The following KCNH5 variants were observed in gnomAD, a reference collection of about 807,000 sequenced individuals.
The protein encoded by KCNH5 is potassium voltage-gated channel subfamily H member 5.
KCNH5 carries 46 observed loss-of-function variants against 96.1 expected under a neutral mutation model. That is an observed-to-expected ratio of 0.48 (90% CI 0.38 to 0.61). The LOEUF is 0.61. Ranked by LOEUF, KCNH5 falls within the 20% of genes least tolerant of loss-of-function variation. The pLI is 0.00. For synonymous variants in KCNH5, 439 were observed against 449.8 expected, an observed-to-expected ratio of 0.98 and a Z score of 0.30; for missense variants, 907 against 1,225.8, an observed-to-expected ratio of 0.74 and a Z score of 3.88.
chr14:62,829,705 GA>G (rs1419442947), intron 8 of KCNH5, among the ~76,000 whole-genome samples: 1 of 152,142 alleles, frequency 6.6e-6, no homozygotes, highest in African/African-American at 2.4e-5. Flanking sequence ...GTCATGGGGG[GA>G]TCTGCCCTGA....
At chr14:62,822,956 C>T (rs1354364365) in intron 8 of KCNH5, among the ~76,000 whole-genome samples, 1 of 152,106 alleles carries the variant, frequency 6.6e-6, no homozygotes, top group Non-Finnish European at 1.5e-5. Flanking sequence ...TAACAGCATT[C>T]CTTCTGGATA....
In KCNH5 at chr14:62,769,519, T is replaced by C. The variant is rs554721198; in HGVS notation, c.2019+10209A>G. Among the ~76,000 whole-genome samples, 9 of 152,326 alleles carry C rather than the reference T, an allele frequency of 5.9e-5. 1 individual carries two copies. In the South Asian group the frequency reaches 1.9e-3, roughly 32 times the overall value. On this transcript the variant is annotated intron_variant, in intron 10 of 10. Transcript: ENST00000322893. ...ATTCACTCCACAGTGATATCAAAATTGCTGTACTACTCTGAATGCACTAGA... is the reference window on the plus strand; with the variant it reads ...ATTCACTCCACAGTGATATCAAAATCGCTGTACTACTCTGAATGCACTAGA...
chr14:62,768,493 G>A (rs1885913719), intron 10 of KCNH5, among the ~76,000 whole-genome samples: 1 of 152,124 alleles, frequency 6.6e-6, no homozygotes, highest in Non-Finnish European at 1.5e-5. Context: ...GAAACAAACA[G>A]TCTAGCGTCC....
chr14:62,954,699 G>A (rs188978367), intron 6 of KCNH5, among the ~76,000 whole-genome samples: 151 of 152,140 alleles, frequency 9.9e-4, no homozygotes, highest in Middle Eastern at 6.8e-3. Flanking sequence ...TCATGCTGCC[G>A]ATAAAGACAT....
intron 7 of KCNH5, among the ~76,000 whole-genome samples, chr14:62,907,152 A>G (rs1889044892): frequency 1.3e-5 from 2 of 152,064 alleles, no homozygotes; most frequent in African/African-American, 4.8e-5. Flanking sequence ...TGCTGCTCTG[A>G]TTTTTTGTTA....
At chr14:62,895,587 C>T (rs990958644) in intron 7 of KCNH5, among the ~76,000 whole-genome samples, 3 of 152,106 alleles carry the variant, frequency 2.0e-5, no homozygotes, top group Non-Finnish European at 2.9e-5. Context: ...CCCACCTTGG[C>T]TTCCCAATGT....
At chr14:62,966,821 G>T (rs1180093141) in intron 6 of KCNH5, among the ~76,000 whole-genome samples, 1 of 151,964 alleles carries the variant, frequency 6.6e-6, no homozygotes, top group Non-Finnish European at 1.5e-5. Flanking sequence ...ACTTTACCCA[G>T]TTCTAATAAA....
intron 1 of KCNH5, among the ~76,000 whole-genome samples, chr14:63,023,423 T>G (rs1358952533): frequency 1.3e-5 from 2 of 152,186 alleles, no homozygotes; most frequent in African/African-American, 2.4e-5. Context: ...ATTATAAAAT[T>G]TATTAAATAA....
At chr14:62,926,722 T>C (rs999981406) in intron 7 of KCNH5, among the ~76,000 whole-genome samples, 4 of 152,104 alleles carry the variant, frequency 2.6e-5, no homozygotes, top group Admixed American at 6.6e-5. Flanking sequence ...CCAGCTCCAC[T>C]GGATCAGGGC....
intron 8 of KCNH5, among the ~76,000 whole-genome samples, chr14:62,847,392 G>A (rs981541764): frequency 3.3e-5 from 5 of 151,946 alleles, no homozygotes; most frequent in African/African-American, 9.7e-5. Context: ...CCCAGAATTT[G>A]GCAGATGTCT....
intron 9 of KCNH5, among the ~76,000 whole-genome samples, chr14:62,785,947 C>T (rs1352993065): frequency 1.3e-5 from 2 of 152,156 alleles, no homozygotes; most frequent in Non-Finnish European, 2.9e-5. Context: ...AATCCCAGCA[C>T]TTTGAGAGGC....
Position 62,707,625 on chromosome 14 carries a change from G to T in KCNH5, c.2850C>A (p.Ala950=). 1 of 1,571,716 alleles carries T rather than the reference G, an allele frequency of 6.4e-7. No individual in the cohort carries two copies. The highest frequency in any genetic ancestry group is 8.7e-7 in the Non-Finnish European group (1 of 1,155,148). The change falls in exon 11 of 11, where the codon GCC becomes GCA. Residue 950 remains alanine (A), a synonymous_variant. Transcript: ENST00000322893. ...KILSEKSVPQ[A]SSPKSQMPLQ... is the part of the protein sequence containing the mutation. ...GTGGCATTTGGGATTTGGGAGATGA[G>T]GCCTGGGGTACGCTTTTTTCCGACA...
In KCNH5 at chr14:63,040,876, C is replaced by G. The variant is rs1891810632; in HGVS notation, c.73+4238G>C. ...CAAGCAGAATGAAAAATTGAGGATA[C>G]TGAGTTTCTTCTCTTGAAAGGTAAG... On this transcript the variant is annotated intron_variant, in intron 1 of 10. Transcript: ENST00000322893. Among the ~76,000 whole-genome samples the G allele has an allele frequency of 2.0e-5, 3 of 152,048 alleles. No homozygotes were observed. In the South Asian group the frequency reaches 6.2e-4, roughly 31 times the overall value.
At chr14:63,024,573 A>C (rs11620741) in intron 1 of KCNH5, among the ~76,000 whole-genome samples, 4 of 152,122 alleles carry the variant, frequency 2.6e-5, no homozygotes, top group African/African-American at 7.2e-5. Context: ...ACTCAAAAAA[A>C]TCAGAAATCA....
intron 1 of KCNH5, among the ~76,000 whole-genome samples, chr14:63,021,161 C>T (rs1469166076): frequency 2.6e-5 from 4 of 152,066 alleles, no homozygotes; most frequent in Non-Finnish European, 4.4e-5. Context: ...CATGGTATCC[C>T]TGCCTTAACT....
chr14:62,811,223 A>G (rs1886866969), intron 8 of KCNH5, among the ~76,000 whole-genome samples: 2 of 152,168 alleles, frequency 1.3e-5, no homozygotes, highest in Non-Finnish European at 2.9e-5. Context: ...CAGAACTCTT[A>G]GTGAAACACA....
chr14:62,982,910 C>T (rs918712206), intron 5 of KCNH5, among the ~76,000 whole-genome samples: 3 of 152,136 alleles, frequency 2.0e-5, no homozygotes, highest in Non-Finnish European at 4.4e-5. Flanking sequence ...AGCAAATCAT[C>T]CTACCAGGAG....
chr14:62,998,090 C>T (rs183674965), intron 4 of KCNH5, among the ~76,000 whole-genome samples: 1 of 152,048 alleles, frequency 6.6e-6, no homozygotes, highest in East Asian at 1.9e-4. Flanking sequence ...GTAGCGCTTA[C>T]CAATGAAACC....
chr14:62,895,215 A>G (rs972929506), intron 7 of KCNH5, among the ~76,000 whole-genome samples: 6 of 152,128 alleles, frequency 3.9e-5, no homozygotes, highest in African/African-American at 1.4e-4. Context: ...TAATTTTTTT[A>G]TGCACCTAGG....
Sources: gnomAD v4.1 joint callset for allele counts (sites outside exome capture counted in the v4.1 genomes callset) on GRCh38, gnomAD v4.1.1 for gene constraint, MANE v1.5 for transcripts, NCBI Gene and HGNC (gene_info 2026-07-23, HGNC 2026-07-21) for gene names.